RASA1: variants seen among roughly 807,000 people sequenced by gnomAD.
RASA1 encodes the protein ras GTPase-activating protein 1.
A neutral mutation model predicts 132.2 loss-of-function variants in RASA1; 25 were observed. That is an observed-to-expected ratio of 0.19 (90% CI 0.14 to 0.26). The LOEUF (loss-of-function observed/expected upper bound fraction) is 0.26. Ranked by LOEUF, RASA1 falls within the 10% of genes least tolerant of loss-of-function variation. RASA1 has a pLI of 1.00. For synonymous variants in RASA1, 477 were observed against 449.9 expected, an observed-to-expected ratio of 1.06 and a Z score of -0.76; for missense variants, 964 against 1,299.2, an observed-to-expected ratio of 0.74 and a Z score of 3.97.
At chr5:87,353,344 C>A in intron 9 of RASA1, 109 bp downstream of exon 9, 1 of 880,472 alleles carries the variant, frequency 1.1e-6, no homozygotes, top group Non-Finnish European at 1.8e-6. Context: ...CAACTTAAAA[C>A]TACAGATTAT....
intron 1 of RASA1, among the ~76,000 whole-genome samples, chr5:87,285,623 T>TC (rs202023947): frequency 2.0e-5 from 3 of 148,478 alleles, no homozygotes; most frequent in African/African-American, 7.4e-5. Context: ...TTTTTCTTTT[T>TC]TTTTTTTTTT....
chr5:87,385,200 T>C, intron 21 of RASA1, 101 bp from the exon 22 acceptor site: 1 of 785,838 alleles, frequency 1.3e-6, no homozygotes, highest in Non-Finnish European at 2.3e-6. Context: ...GAATGGGTAG[T>C]AGTTTAACAG....
At chr5:87,375,626 G>A (rs1761272473) in intron 15 of RASA1, among the ~76,000 whole-genome samples, 1 of 152,118 alleles carries the variant, frequency 6.6e-6, no homozygotes, top group Non-Finnish European at 1.5e-5. Flanking sequence ...CCTTAAACTT[G>A]AATATGTCAC....
chr5:87,303,881 C>T (rs1755490799), intron 1 of RASA1, among the ~76,000 whole-genome samples: 1 of 147,866 alleles, frequency 6.8e-6, no homozygotes, highest in Admixed American at 6.8e-5. Context: ...GCTCTTGTCG[C>T]CCAAGCTGGA....
chr5:87,330,519 A>G (rs990886050), intron 1 of RASA1, among the ~76,000 whole-genome samples: 3 of 152,190 alleles, frequency 2.0e-5, no homozygotes, highest in Admixed American at 1.3e-4. Flanking sequence ...TTTTATAGCA[A>G]TTACTTTGGA....
chr5:87,341,347 G>GAA (rs35694079), intron 6 of RASA1, 26 bp downstream of exon 6: 3,535 of 1,182,682 alleles, frequency 3.0e-3, no homozygotes, highest in South Asian at 4.5e-3. Flanking sequence ...TTATTAAAAT[G>GAA]AAAAAAAAAA....
intron 6 of RASA1, among the ~76,000 whole-genome samples, chr5:87,344,257 T>C (rs1179128830): frequency 6.6e-6 from 1 of 152,170 alleles, no homozygotes; most frequent in Non-Finnish European, 1.5e-5. Flanking sequence ...CCTGACTTGA[T>C]CATTAAACAT....
At chr5:87,287,270 C>T (rs1055301198) in intron 1 of RASA1, among the ~76,000 whole-genome samples, 3 of 136,432 alleles carry the variant, frequency 2.2e-5, no homozygotes, top group African/African-American at 2.7e-5. Context: ...CCATATACAC[C>T]GTATATATAC....
intron 14 of RASA1, 119 bp downstream of exon 14, chr5:87,374,439 T>A: frequency 4.0e-6 from 2 of 502,452 alleles, no homozygotes; most frequent in Non-Finnish European, 3.2e-6. Flanking sequence ...GGTGTTCTAA[T>A]AGCATATATA....
intron 11 of RASA1, among the ~76,000 whole-genome samples, chr5:87,368,668 T>C (rs1424204608): frequency 1.3e-5 from 2 of 152,202 alleles, no homozygotes; most frequent in African/African-American, 4.8e-5. Context: ...AATTCATTCT[T>C]TTTTCTCCTA....
intron 5 of RASA1, among the ~76,000 whole-genome samples, chr5:87,339,675 A>T (rs13171860): frequency 3.2e-4 from 48 of 152,190 alleles, no homozygotes; most frequent in Non-Finnish European, 6.2e-4. Context: ...ATGACCTCAC[A>T]TCAGTACAAG....
chr5:87,314,831 G>C (rs556375159), intron 1 of RASA1, among the ~76,000 whole-genome samples: 1 of 152,274 alleles, frequency 6.6e-6, no homozygotes, highest in African/African-American at 2.4e-5. Context: ...TGTCTTTAAG[G>C]TTGATGGGAG....
chr5:87,303,111 G>A (rs1755449190), intron 1 of RASA1, among the ~76,000 whole-genome samples: 1 of 151,976 alleles, frequency 6.6e-6, no homozygotes, highest in Admixed American at 6.6e-5. Flanking sequence ...TCTCACTTCT[G>A]TCCCATTAGT....
chr5:87,374,455 A>AT (rs1169277828), intron 14 of RASA1, 135 bp downstream of exon 14: 9 of 264,208 alleles, frequency 3.4e-5, no homozygotes, highest in African/African-American at 2.1e-4. Flanking sequence ...ATATATATAT[A>AT]TATATTTTTT....
At chr5:87,324,681 G>T (rs987381774) in intron 1 of RASA1, among the ~76,000 whole-genome samples, 2 of 152,038 alleles carry the variant, frequency 1.3e-5, no homozygotes, top group Non-Finnish European at 2.9e-5. Flanking sequence ...ATGCACTCTA[G>T]TTATCTGGTT....
chr5:87,370,378 A>G (rs1760838709), intron 12 of RASA1, among the ~76,000 whole-genome samples: 1 of 152,218 alleles, frequency 6.6e-6, no homozygotes, highest in Non-Finnish European at 1.5e-5. Context: ...TAGATTAGCT[A>G]TTAATCCATG....
At chr5:87,326,705 A>C (rs1757255414) in intron 1 of RASA1, among the ~76,000 whole-genome samples, 1 of 152,172 alleles carries the variant, frequency 6.6e-6, no homozygotes, top group Non-Finnish European at 1.5e-5. Context: ...ACACATTGGG[A>C]AAAGAATGGG....
intron 1 of RASA1, among the ~76,000 whole-genome samples, chr5:87,300,242 G>T (rs1356885861): frequency 1.3e-5 from 2 of 152,106 alleles, no homozygotes; most frequent in Non-Finnish European, 2.9e-5. Context: ...AGGGCATGGT[G>T]GTAGCACACT....
In RASA1 at chr5:87,309,174, C is replaced by T. The variant is rs1755755195; in HGVS notation, c.540-22174C>T. Reference sequence around the variant, plus strand: ...ATGACATTTTTAGAACCTGTCTTATCCCAGGCACTATTTTAGGTGGTTAGG... The same window carrying T: ...ATGACATTTTTAGAACCTGTCTTATTCCAGGCACTATTTTAGGTGGTTAGG... On this transcript the variant is annotated intron_variant, in intron 1 of 24. Coordinates refer to ENST00000274376, the MANE Select transcript of RASA1 (RefSeq NM_002890.3). 2.0e-5 allele frequency among the ~76,000 whole-genome samples: 3 copies of T among 152,022 alleles called. No individual in the cohort carries two copies. The South Asian group carries it at 6.2e-4, about 32-fold the overall frequency.
Sources: gnomAD v4.1 joint callset for allele counts (sites outside exome capture counted in the v4.1 genomes callset) on GRCh38, gnomAD v4.1.1 for gene constraint, MANE v1.5 for transcripts, NCBI Gene and HGNC (gene_info 2026-07-23, HGNC 2026-07-21) for gene names.